RARA: variants seen among roughly 807,000 people sequenced by gnomAD.
The protein encoded by RARA is retinoic acid receptor alpha, also known as PML-DDX5-RARA fusion.
Under a neutral mutation model 42.8 loss-of-function variants are expected in RARA, and 5 were observed. The ratio of observed to expected loss-of-function variants is 0.12; its 90% confidence interval spans 0.06 to 0.25. The LOEUF (loss-of-function observed/expected upper bound fraction) is 0.25, where lower values mean the gene tolerates loss of function less well. Ranked by LOEUF, RARA falls within the 10% of genes least tolerant of loss-of-function variation. The probability of loss-of-function intolerance (pLI) is 1.00; values close to 1 mark genes in which losing one functional copy is unlikely to be tolerated. For synonymous variants in RARA, 256 were observed against 259.5 expected, an observed-to-expected ratio of 0.99 and a Z score of 0.13; for missense variants, 402 against 628.7, an observed-to-expected ratio of 0.64 and a Z score of 3.86.
intron 1 of RARA, among the ~76,000 whole-genome samples, chr17:40,313,415 A>C (rs747822456): frequency 6.6e-6 from 1 of 152,120 alleles, no homozygotes; most frequent in Non-Finnish European, 1.5e-5. Context: ...AGAAAACTCA[A>C]TGGAGAATTG....
intron 1 of RARA, among the ~76,000 whole-genome samples, chr17:40,313,145 C>T (rs943005643): frequency 5.3e-5 from 8 of 152,148 alleles, no homozygotes; most frequent in Non-Finnish European, 1.2e-4. Flanking sequence ...CCAGCAGGCT[C>T]ACAGGCTGGT....
At chr17:40,341,734 G>A in intron 2 of RARA, 1 of 1,299,122 alleles carries the variant, frequency 7.7e-7, no homozygotes, top group Non-Finnish European at 9.7e-7. Context: ...GGAGGACACC[G>A]GGACCACCCC....
At chr17:40,321,991 G>A (rs1176812567) in intron 1 of RARA, among the ~76,000 whole-genome samples, 1 of 152,148 alleles carries the variant, frequency 6.6e-6, no homozygotes, top group East Asian at 1.9e-4. Flanking sequence ...AGTTTTCAGA[G>A]CTGTGCTGCC....
rs1341177280 is a variant in RARA, at chr17:40,357,471, C to G, written c.*1245C>G. 1.6e-5 allele frequency: 3 copies of G among 183,758 alleles called. No homozygotes were observed. The East Asian group carries it at 2.8e-4, about 17-fold the overall frequency. 11.4% of individuals were successfully genotyped at this position (183,758 alleles called of 1,614,324 possible). A position where few individuals can be genotyped will look rare whatever the true frequency, so the allele number is the denominator to read the frequency against. On this transcript the variant is annotated 3_prime_UTR_variant, in exon 9 of 9. Coordinates refer to ENST00000254066, the MANE Select transcript of RARA (RefSeq NM_000964.4). ...CCCCCTCCTTACCCCGCAGGACGGGCCTACAGGGGGGTCTCCCCTCACCCC... is the reference window on the plus strand; with the variant it reads ...CCCCCTCCTTACCCCGCAGGACGGGGCTACAGGGGGGTCTCCCCTCACCCC...
In RARA at chr17:40,331,134, C is replaced by A. The variant is rs182564001; in HGVS notation, c.-85C>A. On this transcript the variant is annotated 5_prime_UTR_variant, in exon 2 of 9. Transcript: ENST00000254066. ...ACCCAAACCCCATCTGGGCCCAGGC[C>A]CCATGCCCCGAGGAGGGGTGGTCTG... is the stretch of plus-strand genomic sequence containing the variant. The A allele has an allele frequency of 8.6e-4, 1,237 of 1,442,150 alleles. 23 individuals are homozygous for A. The East Asian group carries it at 0.024, about 28-fold the overall frequency. 89.3% of individuals were successfully genotyped at this position (1,442,150 alleles called of 1,614,324 possible). A position where few individuals can be genotyped will look rare whatever the true frequency, so the allele number is the denominator to read the frequency against.
chr17:40,318,764 GCAAAA>G (rs2033279685), intron 1 of RARA, among the ~76,000 whole-genome samples: 1 of 152,260 alleles, frequency 6.6e-6, no homozygotes. Flanking sequence ...TTAATGATAA[GCAAAA>G]CAAAAAGACT....
Position 40,326,630 on chromosome 17 carries a change from T to G in RARA, c.-362-4227T>G, listed in dbSNP as rs980010943. 28 of 152,404 alleles carry G rather than the reference T, an allele frequency of 1.8e-4. No individual in the cohort carries two copies. Among genetic ancestry groups the G allele is most frequent in the African/African-American group, 6.8e-4 (28 of 41,440 alleles). 9.4% of individuals were successfully genotyped at this position (152,404 alleles called of 1,614,324 possible). On this transcript the variant is annotated intron_variant, in intron 1 of 8. Coordinates refer to ENST00000254066, the MANE Select transcript of RARA (RefSeq NM_000964.4). This position sits in a 1 kb window ranked among gnomAD's most constrained non-coding sequence, Gnocchi z 5.2. ...CCCCTACCCCTTTTTCTGCTGTGCT[T>G]AGGCTAGGCTCCATATATTGGAGGT...
intron 3 of RARA, 195 bp downstream of exon 3, chr17:40,348,659 C>G (rs557543534): frequency 8.1e-5 from 49 of 603,262 alleles, no homozygotes; most frequent in Non-Finnish European, 1.2e-4. Flanking sequence ...GCAGGGCTCC[C>G]TCAAACCAGA....
At chr17:40,317,415 T>C (rs1277207664) in intron 1 of RARA, among the ~76,000 whole-genome samples, 1 of 151,948 alleles carries the variant, frequency 6.6e-6, no homozygotes, top group African/African-American at 2.4e-5. Flanking sequence ...GTCTCTCAGA[T>C]GGAGGGTGAT....
Position 40,355,970 on chromosome 17 carries a change from G to C in RARA, c.1172-39G>C. The C allele has an allele frequency of 1.3e-6, 2 of 1,543,022 alleles. No homozygotes were observed. Among genetic ancestry groups the C allele is most frequent in the Non-Finnish European group, 1.8e-6 (2 of 1,141,258 alleles). On this transcript the variant is annotated intron_variant, in intron 8 of 8. Transcript: ENST00000254066. The surrounding 1 kb of genome is among the most constrained non-coding windows in gnomAD (Gnocchi z 4.1). Reference sequence around the variant, plus strand: ...TGCTGGGGCTGGGGGTGGGAGGGCTGGCCCAGCGTGCTGACCTCTGCCCCC... The same window carrying C: ...TGCTGGGGCTGGGGGTGGGAGGGCTCGCCCAGCGTGCTGACCTCTGCCCCC...
At chr17:40,309,499 C>T (rs2033055188) in intron 1 of RARA, among the ~76,000 whole-genome samples, 1 of 152,238 alleles carries the variant, frequency 6.6e-6, no homozygotes, top group Non-Finnish European at 1.5e-5. Flanking sequence ...CTGCATTTCT[C>T]CTGAGGCAGT....
rs2033679295 is a variant in RARA at position 40,331,108 on chromosome 17, C to T, written c.-111C>T. 1.5e-6 allele frequency: 2 copies of T among 1,300,706 alleles called. No individual in the cohort carries two copies. Among genetic ancestry groups the T allele is most frequent in the Non-Finnish European group, 2.1e-6 (2 of 955,694 alleles). The allele number at this position is 1,300,706 out of a possible 1,614,324, so 80.6% of individuals were successfully genotyped here. A position where few individuals can be genotyped will look rare whatever the true frequency, so the allele number is the denominator to read the frequency against. ...TCCAGGACAGGGCGGGTGGGCTGACCACCCAAACCCCATCTGGGCCCAGGC... is the reference window on the plus strand; with the variant it reads ...TCCAGGACAGGGCGGGTGGGCTGACTACCCAAACCCCATCTGGGCCCAGGC... On this transcript the variant is annotated 5_prime_UTR_variant, in exon 2 of 9. Transcript: ENST00000254066.
chr17:40,314,227 A>G (rs1179247792), intron 1 of RARA, among the ~76,000 whole-genome samples: 1 of 151,116 alleles, frequency 6.6e-6, no homozygotes, highest in Non-Finnish European at 1.5e-5. Context: ...ATTGGGTGAC[A>G]GCCCACCCCA....
intron 1 of RARA, among the ~76,000 whole-genome samples, chr17:40,314,173 C>CGGGGGGGGGGG (rs2033146905): frequency 1.7e-4 from 1 of 5,854 alleles, no homozygotes. Context: ...AGGGATATGG[C>CGGGGGGGGGGG]GGGTGGAGGG....
At chr17:40,325,990 T>C (rs2033535047) in intron 1 of RARA, among the ~76,000 whole-genome samples, 1 of 152,216 alleles carries the variant, frequency 6.6e-6, no homozygotes, top group Admixed American at 6.5e-5. Context: ...GTTTCCCTTT[T>C]TTGGTTTGTG....
intron 2 of RARA, among the ~76,000 whole-genome samples, chr17:40,331,909 T>C (rs2033703761): frequency 6.6e-6 from 1 of 152,012 alleles, no homozygotes; most frequent in Non-Finnish European, 1.5e-5. Flanking sequence ...CCGGCCATGC[T>C]AGGATGTGCT....
In RARA at chr17:40,351,514, T is replaced by A. The variant is rs894225008; in HGVS notation, c.470-396T>A. On this transcript the variant is annotated intron_variant, in intron 4 of 8. Transcript: ENST00000254066. This position sits in a 1 kb window ranked among gnomAD's most constrained non-coding sequence, Gnocchi z 4.1. The stretch of plus-strand genomic sequence containing the variant: ...AGTCCCAAGGGACCCCCAGGGAGAC[T>A]GCAGCTGGGAGGGCTGGGTGAGTGG... 14 of 474,064 alleles carry A rather than the reference T, an allele frequency of 3.0e-5. No individual in the cohort carries two copies. Among genetic ancestry groups the A allele is most frequent in the Non-Finnish European group, 6.1e-5 (14 of 230,056 alleles). The allele number at this position is 474,064 out of a possible 1,614,324, so 29.4% of individuals were successfully genotyped here.
chr17:40,351,003 C>T lies in RARA; in HGVS notation c.470-907C>T, dbSNP rs2143485204. The stretch of plus-strand genomic sequence containing the variant: ...CTCCCCTTCTCCCTCCCACCGCCAA[C>T]TCCCCCTCTCCCGGCTGCTCTGTGC... On this transcript the variant is annotated intron_variant, in intron 4 of 8. Coordinates refer to ENST00000254066, the MANE Select transcript of RARA (RefSeq NM_000964.4). The surrounding 1 kb of genome is among the most constrained non-coding windows in gnomAD (Gnocchi z 4.1). Among the ~76,000 whole-genome samples the T allele has an allele frequency of 6.6e-6, 1 of 152,118 alleles. No homozygotes were observed. Among genetic ancestry groups the T allele is most frequent in the East Asian group, 1.9e-4 (1 of 5,170 alleles).
intron 1 of RARA, among the ~76,000 whole-genome samples, chr17:40,315,138 A>ATATATATATATATGCTTATATGTATATG (rs1567743041): frequency 1.4e-5 from 1 of 71,096 alleles, no homozygotes; most frequent in African/African-American, 6.6e-5. Context: ...ATGTGTATAT[A>ATATATATATATATGCTTATATGTATATG]TATATATATA....
Sources: allele counts gnomAD v4.1 joint callset (sites outside exome capture counted in the v4.1 genomes callset), GRCh38; gene constraint gnomAD v4.1.1; non-coding constraint Gnocchi (gnomAD v3.1); transcripts MANE v1.5; gene names NCBI Gene and HGNC (gene_info 2026-07-23, HGNC 2026-07-21).